The following CBLN2 variants were observed in gnomAD, a reference collection of about 807,000 sequenced individuals.
CBLN2 encodes cerebellin-2.
A neutral mutation model predicts 15.0 loss-of-function variants in CBLN2; 7 were observed. The observed-to-expected ratio is 0.47, with a 90% CI of 0.27 to 0.88. The LOEUF is 0.88. Ranked by LOEUF, CBLN2 falls within the 40% of genes least tolerant of loss-of-function variation. The probability of loss-of-function intolerance (pLI) is 0.14; values close to 1 mark genes in which losing one functional copy is unlikely to be tolerated. For missense variants in CBLN2, 242 were observed against 304.5 expected (o/e 0.79, Z 1.53); for synonymous variants, 149 against 135.2 (o/e 1.10, Z -0.71).
chr18:72,538,955 A>ACTAT (rs2069088904), intron 3 of CBLN2, 183 bp from the exon 4 acceptor site: 1 of 595,862 alleles, frequency 1.7e-6, no homozygotes, highest in Admixed American at 3.0e-5. Context: ...ATCCTATAGC[A>ACTAT]GGAAGTAATC....
chr18:72,626,265 A>AT (rs969753199), intron 1 of CBLN2, among the ~76,000 whole-genome samples: 13 of 151,892 alleles, frequency 8.6e-5, no homozygotes, highest in Admixed American at 3.9e-4. Flanking sequence ...CCCTGGGAGT[A>AT]TTTTTTTTAA....
intron 1 of CBLN2, among the ~76,000 whole-genome samples, chr18:72,605,817 CCTT>C (rs773023415): frequency 4.6e-5 from 7 of 152,240 alleles, no homozygotes; most frequent in African/African-American, 7.2e-5. Flanking sequence ...GCCCAGCCTT[CCTT>C]CTTACTCTGC....
intron 1 of CBLN2, among the ~76,000 whole-genome samples, chr18:72,614,005 C>T (rs2069640708): frequency 6.6e-6 from 1 of 152,164 alleles, no homozygotes; most frequent in Non-Finnish European, 1.5e-5. Context: ...CTCTGTTACT[C>T]CCTGTCAGAG....
Position 72,544,021 on chromosome 18 carries a change from T to G in CBLN2, c.-256A>C, listed in dbSNP as rs2069138632. 6.6e-6 allele frequency: 1 copy of G among 152,268 alleles called. No individual in the cohort carries two copies. The highest frequency in any genetic ancestry group is 1.9e-4 in the East Asian group (1 of 5,172). The allele number at this position is 152,268 out of a possible 1,614,324, so 9.4% of individuals were successfully genotyped here. A position where few individuals can be genotyped will look rare whatever the true frequency, so the allele number is the denominator to read the frequency against. Reference sequence around the variant, plus strand: ...TACTCCCAGACGTCTCTTTTGAAAATTAGACACCCTTAAAAGCACCGGTCG... The same window carrying G: ...TACTCCCAGACGTCTCTTTTGAAAAGTAGACACCCTTAAAAGCACCGGTCG... On this transcript the variant is annotated 5_prime_UTR_variant, in exon 1 of 5. It removes the in-frame stop codon of an upstream open reading frame in the 5' UTR. Transcript: ENST00000269503.
intron 1 of CBLN2, among the ~76,000 whole-genome samples, chr18:72,610,189 G>C (rs1259875385): frequency 6.6e-6 from 1 of 151,892 alleles, no homozygotes; most frequent in Non-Finnish European, 1.5e-5. Flanking sequence ...GTTGTTTTTA[G>C]CCTGAGCCTC....
At chr18:72,538,532 A>G (rs878886750) in intron 4 of CBLN2, 121 bp downstream of exon 4, 1 of 1,470,604 alleles carries the variant, frequency 6.8e-7, no homozygotes, top group South Asian at 1.2e-5. Context: ...TCAGAGCCAC[A>G]TCACCCCCTG....
intron 1 of CBLN2, among the ~76,000 whole-genome samples, chr18:72,573,762 AG>A (rs2069346849): frequency 6.6e-6 from 1 of 152,236 alleles, no homozygotes; most frequent in African/African-American, 2.4e-5. Flanking sequence ...ATCTATGTGA[AG>A]GTTTTCATGT....
intron 1 of CBLN2, among the ~76,000 whole-genome samples, chr18:72,549,957 A>G (rs537631987): frequency 1.3e-5 from 2 of 152,326 alleles, no homozygotes; most frequent in South Asian, 4.1e-4. Flanking sequence ...TGCGGTTCCT[A>G]ACAGCAATAG....
intron 1 of CBLN2, among the ~76,000 whole-genome samples, chr18:72,621,067 T>C (rs1447396627): frequency 6.6e-6 from 1 of 152,224 alleles, no homozygotes; most frequent in Non-Finnish European, 1.5e-5. Context: ...GGATTGGAAT[T>C]ACATGGAAAC....
chr18:72,624,968 A>G (rs1324532193), intron 1 of CBLN2, among the ~76,000 whole-genome samples: 2 of 152,240 alleles, frequency 1.3e-5, no homozygotes, highest in African/African-American at 4.8e-5. Context: ...TAGAAAAAGT[A>G]AAAAATTTAG....
At chr18:72,591,734 T>G (rs967470455) in intron 1 of CBLN2, among the ~76,000 whole-genome samples, 1 of 152,164 alleles carries the variant, frequency 6.6e-6, no homozygotes, top group Non-Finnish European at 1.5e-5. Context: ...CACAAATAAG[T>G]GAGACCATAC....
At chr18:72,587,670 A>G (rs1303249882) in intron 1 of CBLN2, among the ~76,000 whole-genome samples, 2 of 152,140 alleles carry the variant, frequency 1.3e-5, no homozygotes, top group Admixed American at 1.3e-4. Context: ...CATTTGAATA[A>G]TGTCTCACAT....
intron 1 of CBLN2, among the ~76,000 whole-genome samples, chr18:72,616,129 C>T (rs1463134213): frequency 6.6e-6 from 1 of 152,168 alleles, no homozygotes; most frequent in Non-Finnish European, 1.5e-5. Context: ...GTTAAGAAAT[C>T]TGCCTATCCT....
chr18:72,565,117 C>T (rs1375342992), intron 1 of CBLN2, among the ~76,000 whole-genome samples: 2 of 152,098 alleles, frequency 1.3e-5, no homozygotes, highest in African/African-American at 2.4e-5. Flanking sequence ...CAAAGATCAG[C>T]ATTACAAAAA....
intron 1 of CBLN2, among the ~76,000 whole-genome samples, chr18:72,603,836 G>A (rs915565424): frequency 3.9e-5 from 6 of 152,124 alleles, no homozygotes; most frequent in Non-Finnish European, 1.5e-5. Context: ...AAAAATACAT[G>A]GAATACACAT....
intron 1 of CBLN2, among the ~76,000 whole-genome samples, chr18:72,623,826 C>T (rs2069716531): frequency 1.3e-5 from 2 of 152,140 alleles, no homozygotes; most frequent in South Asian, 4.1e-4. Context: ...GATTTGCTTA[C>T]ACCAATCTTC....
chr18:72,637,652 A>G (rs1455614336), intron 1 of CBLN2, among the ~76,000 whole-genome samples: 1 of 152,226 alleles, frequency 6.6e-6, no homozygotes, highest in Non-Finnish European at 1.5e-5. Flanking sequence ...TGATAAGTAA[A>G]GACTTCATTC....
At chr18:72,563,399 C>T (rs1300791324) in intron 1 of CBLN2, among the ~76,000 whole-genome samples, 1 of 152,104 alleles carries the variant, frequency 6.6e-6, no homozygotes, top group Non-Finnish European at 1.5e-5. Flanking sequence ...TTTATTTAAA[C>T]TAGTCTGTCT....
intron 1 of CBLN2, among the ~76,000 whole-genome samples, chr18:72,610,715 C>A (rs1334528335): frequency 6.6e-6 from 1 of 152,140 alleles, no homozygotes; most frequent in Non-Finnish European, 1.5e-5. Flanking sequence ...TGGTGGTAAA[C>A]CTGGCTTAAA....
Sources: allele counts gnomAD v4.1 joint callset (sites outside exome capture counted in the v4.1 genomes callset), GRCh38; gene constraint gnomAD v4.1.1; transcripts MANE v1.5; gene names NCBI Gene and HGNC (gene_info 2026-07-23, HGNC 2026-07-21).